The following MCM9 variants were observed in gnomAD, a reference collection of about 807,000 sequenced individuals.
The protein encoded by MCM9 is minichromosome maintenance 9 homologous recombination repair factor, also known as DNA helicase MCM9.
In MCM9, 55 loss-of-function variants were observed where a neutral mutation model predicts 72.8. That is an observed-to-expected ratio of 0.76 (90% CI 0.61 to 0.95). MCM9 has a LOEUF of 0.95. Ranked by LOEUF, MCM9 falls within the 40% of genes least tolerant of loss-of-function variation. The probability of loss-of-function intolerance (pLI) is 0.00; values close to 1 mark genes in which losing one functional copy is unlikely to be tolerated. For missense variants in MCM9, 1,279 were observed against 1,377.0 expected (o/e 0.93, Z 1.13); for synonymous variants, 480 against 503.4 (o/e 0.95, Z 0.62).
intron 7 of MCM9, 77 bp from the exon 8 acceptor site, chr6:118,911,846 G>GTAAAAACACTA: frequency 9.2e-7 from 1 of 1,089,732 alleles, no homozygotes; most frequent in Non-Finnish European, 1.4e-6. Flanking sequence ...ATATTACATA[G>GTAAAAACACTA]TGTTTTTACT....
rs1773352960 is a variant in MCM9, at chr6:118,815,483, A to C, written c.2773T>G (p.Phe925Val). Residue 925 changes from phenylalanine (F) to valine (V), a missense_variant, in exon 14 of 14, where the codon TTC (phenylalanine) becomes GTC (valine). Phe to Val is a conservative substitution (Grantham distance 50, BLOSUM62 -1). Coordinates refer to ENST00000619706, the MANE Select transcript of MCM9 (RefSeq NM_017696.3). ...SPVAKLAKFTFKQKSKLIHSF... is the reference protein window; with the variant it reads ...SPVAKLAKFTVKQKSKLIHSF... The stretch of plus-strand genomic sequence containing the variant: ...TGGATCAGTTTTGACTTCTGCTTGA[A>C]AGTAAATTTTGCCAGTTTGGCCACA... 18 of 1,547,794 alleles carry C rather than the reference A, an allele frequency of 1.2e-5. No individual in the cohort carries two copies. The highest frequency in any genetic ancestry group is 1.6e-5 in the Non-Finnish European group (18 of 1,146,168).
chr6:118,826,349 T>G, intron 12 of MCM9, 57 bp from the exon 13 acceptor site: 13 of 1,516,484 alleles, frequency 8.6e-6, no homozygotes, highest in Non-Finnish European at 1.1e-5. Flanking sequence ...TAGCGGTAAG[T>G]ACACTCTAGG....
intron 8 of MCM9, chr6:118,894,053 A>T: frequency 7.6e-6 from 8 of 1,054,558 alleles, no homozygotes; most frequent in Non-Finnish European, 9.2e-6. Context: ...GTCCTAATCC[A>T]CACCAGCAGG....
chr6:118,912,237 G>A (rs1780607525), intron 7 of MCM9: 1 of 152,198 alleles, frequency 6.6e-6, no homozygotes, highest in Non-Finnish European at 1.5e-5. Flanking sequence ...TTGCATACAA[G>A]TCATATAAGT....
chr6:118,901,607 G>A (rs1779801332), intron 8 of MCM9, among the ~76,000 whole-genome samples: 1 of 152,210 alleles, frequency 6.6e-6, no homozygotes, highest in Admixed American at 6.5e-5. Context: ...ATTCAAAAGT[G>A]TTATTTCTTT....
chr6:118,877,847 G>T (rs1322865515), intron 8 of MCM9, among the ~76,000 whole-genome samples: 1 of 152,156 alleles, frequency 6.6e-6, no homozygotes, highest in Non-Finnish European at 1.5e-5. Context: ...TCAGACCGTG[G>T]AATAATGCAT....
Position 118,814,904 on chromosome 6 carries a change from C to A in MCM9, c.3352G>T (p.Glu1118Ter), listed in dbSNP as rs774332467. ...GSTEKLIVSK[E>*]SLFTLPELGD... The stretch of plus-strand genomic sequence containing the variant: ...AGTTCTGGTAAAGTGAAGAGGGATT[C>A]TTTGGAAACAATCAGTTTCTCGGTG... Residue 1118 changes from glutamate to a stop codon, truncating the protein, a stop_gained, in exon 14 of 14, where the codon GAA becomes TAA. Coordinates refer to ENST00000619706, the MANE Select transcript of MCM9 (RefSeq NM_017696.3). LOFTEE classifies it high-confidence loss of function. 100 of 1,549,062 alleles carry A rather than the reference C, an allele frequency of 6.5e-5. No individual in the cohort carries two copies. The highest frequency in any genetic ancestry group is 8.5e-5 in the Non-Finnish European group (97 of 1,146,430).
chr6:118,829,124 G>C lies in MCM9; in HGVS notation c.1452C>G (p.Asp484Glu). ...TGGTATCAAGCAAAACCAGGATCAG[G>C]TCAAATCGACTTAAGAGTGGGCTGC... ...ALGSPLLSRF[D>E]LILVLLDTKN... The change falls in exon 10 of 14, where the codon GAC becomes GAG. Residue 484 changes from aspartate (D) to glutamate (E), a missense_variant. Asp to Glu is a conservative substitution (Grantham distance 45, BLOSUM62 2). Coordinates refer to ENST00000619706, the MANE Select transcript of MCM9 (RefSeq NM_017696.3). 1.6e-5 allele frequency: 25 copies of C among 1,550,600 alleles called. 1 individual carries two copies. Among genetic ancestry groups the C allele is most frequent in the Non-Finnish European group, 2.2e-5 (25 of 1,146,994 alleles).
intron 13 of MCM9, among the ~76,000 whole-genome samples, chr6:118,825,658 T>C (rs1774119971): frequency 6.6e-6 from 1 of 152,220 alleles, no homozygotes; most frequent in South Asian, 2.1e-4. Flanking sequence ...AGTCCACATA[T>C]TTCGGGAGTA....
At chr6:118,897,270 T>A (rs1336590279) in intron 8 of MCM9, among the ~76,000 whole-genome samples, 1 of 152,198 alleles carries the variant, frequency 6.6e-6, no homozygotes, top group Non-Finnish European at 1.5e-5. Context: ...AGAGCTGCCC[T>A]GTAGCTTTGC....
intron 13 of MCM9, among the ~76,000 whole-genome samples, chr6:118,819,964 G>T: frequency 6.6e-6 from 1 of 151,614 alleles, no homozygotes; most frequent in East Asian, 1.9e-4. Flanking sequence ...ATCAGTTGTG[G>T]TATCCCCTTT....
At chr6:118,933,671 T>C (rs1338886194) in intron 1 of MCM9, among the ~76,000 whole-genome samples, 2 of 152,168 alleles carry the variant, frequency 1.3e-5, no homozygotes, top group Non-Finnish European at 2.9e-5. Context: ...CAGTTTATCA[T>C]CCTAAGTACG....
intron 8 of MCM9, among the ~76,000 whole-genome samples, chr6:118,867,879 C>CTTTTTTTTTTTTTTT (rs1554258631): frequency 2.9e-5 from 4 of 137,484 alleles, no homozygotes; most frequent in African/African-American, 5.3e-5. Context: ...TTTTCTTTTT[C>CTTTTTTTTTTTTTTT]TTTTTCTTTT....
intron 8 of MCM9, among the ~76,000 whole-genome samples, chr6:118,870,598 G>A (rs1298492668): frequency 6.6e-6 from 1 of 151,738 alleles, no homozygotes; most frequent in Non-Finnish European, 1.5e-5. Flanking sequence ...ATAATAACCC[G>A]AGCTCAATGT....
At chr6:118,834,419 C>T (rs1339019624) in intron 9 of MCM9, among the ~76,000 whole-genome samples, 1 of 152,152 alleles carries the variant, frequency 6.6e-6, no homozygotes, top group Non-Finnish European at 1.5e-5. Flanking sequence ...GTTATAGATC[C>T]TTGAGGAAAT....
intron 8 of MCM9, among the ~76,000 whole-genome samples, chr6:118,875,698 C>T (rs1233963238): frequency 6.6e-6 from 1 of 151,822 alleles, no homozygotes; most frequent in Non-Finnish European, 1.5e-5. Flanking sequence ...CTTTACACAT[C>T]TTAGAATGAC....
chr6:118,912,317 T>C (rs1441902432), intron 7 of MCM9: 1 of 150,098 alleles, frequency 6.7e-6, no homozygotes, highest in Non-Finnish European at 1.5e-5. Flanking sequence ...AAATATCAAA[T>C]TATGATTCTA....
At chr6:118,923,564 C>T (rs1781612363) in intron 4 of MCM9, among the ~76,000 whole-genome samples, 1 of 152,196 alleles carries the variant, frequency 6.6e-6, no homozygotes, top group Middle Eastern at 3.2e-3. Flanking sequence ...TAAATATTCA[C>T]TTCTTTAATT....
chr6:118,920,916 ATAC>A (rs1176206596), intron 5 of MCM9: 2 of 152,244 alleles, frequency 1.3e-5, no homozygotes, highest in African/African-American at 4.8e-5. Flanking sequence ...CCTTCCACAA[ATAC>A]TTTTAAGTTT....
Sources: gnomAD v4.1 joint callset for allele counts (sites outside exome capture counted in the v4.1 genomes callset) on GRCh38, gnomAD v4.1.1 for gene constraint, MANE v1.5 for transcripts, NCBI Gene and HGNC (gene_info 2026-07-23, HGNC 2026-07-21) for gene names.